BLCAP: variants seen among roughly 807,000 people sequenced by gnomAD.
BLCAP encodes the protein BLCAP apoptosis inducing factor, also known as apoptosis inducing factor BLCAP.
A neutral mutation model predicts 5.7 loss-of-function variants in BLCAP; 1 was observed. The ratio of observed to expected loss-of-function variants is 0.18; its 90% CI spans 0.06 to 0.83. The LOEUF (loss-of-function observed/expected upper bound fraction) is 0.83. Ranked by LOEUF, BLCAP falls within the 40% of genes least tolerant of loss-of-function variation. The pLI, the probability that BLCAP is intolerant of heterozygous loss-of-function variation, is 0.71. For synonymous variants in BLCAP, 48 were observed against 49.4 expected (o/e 0.97, Z 0.11); for missense variants, 66 against 107.6 (o/e 0.61, Z 1.71).
At chr20:37,522,769 T>C (rs1601095238) in intron 1 of BLCAP, 1 of 1,590,376 alleles carries the variant, frequency 6.3e-7, no homozygotes, top group Admixed American at 1.7e-5. Flanking sequence ...AGGCCCCAGC[T>C]CCCAGCCCTG....
At position 37,521,750 on chromosome 20, in the gene BLCAP, G is replaced by T. The variant is rs2071583401; in HGVS notation, c.-176-2400C>A. On this transcript the variant is annotated intron_variant, in intron 1 of 1. Transcript: ENST00000373537. The surrounding 1 kb of genome is among the most constrained non-coding windows in gnomAD (Gnocchi z 4.5). ...GAGGGAGGCGGGGCACTACTGTGTTGAAAGACTTTACAGCTCGCAGAGTGA... is the reference window on the plus strand; with the variant it reads ...GAGGGAGGCGGGGCACTACTGTGTTTAAAGACTTTACAGCTCGCAGAGTGA... The T allele has an allele frequency of 1.3e-5, 3 of 227,932 alleles. No individual in the cohort carries two copies. In the Admixed American group the frequency reaches 1.6e-4, roughly 12 times the overall value. The allele number at this position is 227,932 out of a possible 1,614,324, so 14.1% of individuals were successfully genotyped here.
In BLCAP at chr20:37,518,954, G is replaced by A. The variant is rs773830800; in HGVS notation, c.221C>T (p.Pro74Leu). ...GGGATCATGCGCCGATTCTGGAAGC[G>A]GGGAATCGGAGCAGTGGTACAGGAA... ...NCFLYHCSDSPLPESAHDPGV... is the reference protein window; with the variant it reads ...NCFLYHCSDSLLPESAHDPGV... Residue 74 changes from proline to leucine, a missense_variant, in exon 2 of 2, where the codon CCG becomes CTG. By Grantham distance (98) the Pro-to-Leu change is moderately conservative. Coordinates refer to ENST00000373537, the MANE Select transcript of BLCAP (RefSeq NM_006698.4). 5.8e-5 allele frequency: 93 copies of A among 1,614,074 alleles called. No individual in the cohort carries two copies. The highest frequency in any genetic ancestry group is 7.5e-5 in the Non-Finnish European group (89 of 1,180,034).
rs2071566408 is a variant in BLCAP at position 37,521,426 on chromosome 20, TG to T, written c.-176-2077del. Reference sequence around the variant, plus strand: ...CAGGTAAGTCTGACGGGGTTTCGGGTGGGAGAGGGTTCCCAACTCGCGCCCC... The same window carrying T: ...CAGGTAAGTCTGACGGGGTTTCGGGTGGAGAGGGTTCCCAACTCGCGCCCC... On this transcript the variant is annotated intron_variant, in intron 1 of 1. Coordinates refer to ENST00000373537, the MANE Select transcript of BLCAP (RefSeq NM_006698.4). The surrounding 1 kb of genome is among the most constrained non-coding windows in gnomAD (Gnocchi z 4.5). 3.1e-6 allele frequency: 5 copies of T among 1,612,446 alleles called. No homozygotes were observed. Among genetic ancestry groups the T allele is most frequent in the Non-Finnish European group, 4.2e-6 (5 of 1,178,524 alleles).
rs377366102 is a variant in BLCAP, at chr20:37,521,427, G to A, written c.-176-2077C>T. The A allele has an allele frequency of 4.9e-5, 79 of 1,612,380 alleles. 3 individuals carry two copies. Among genetic ancestry groups the A allele is most frequent in the Non-Finnish European group, 1.1e-5 (13 of 1,178,496 alleles). ...AGGTAAGTCTGACGGGGTTTCGGGT[G>A]GGAGAGGGTTCCCAACTCGCGCCCC... On this transcript the variant is annotated intron_variant, in intron 1 of 1. Transcript: ENST00000373537. The surrounding 1 kb of genome is among the most constrained non-coding windows in gnomAD (Gnocchi z 4.5).
Position 37,518,926 on chromosome 20 carries a change from G to A in BLCAP, c.249C>T (p.Gly83=), listed in dbSNP as rs772312586. 7 of 1,614,058 alleles carry A rather than the reference G, an allele frequency of 4.3e-6. No individual in the cohort carries two copies. Among genetic ancestry groups the A allele is most frequent in the East Asian group, 2.2e-5 (1 of 44,894 alleles). Residue 83 remains glycine, a synonymous_variant, in exon 2 of 2, where the codon GGC becomes GGT. Coordinates refer to ENST00000373537, the MANE Select transcript of BLCAP (RefSeq NM_006698.4). The part of the protein sequence containing the change: ...SPLPESAHDP[G]VVGT ...GGGCAGGCCGTTAGGTGCCCACAAC[G>A]CCGGGATCATGCGCCGATTCTGGAA...
At chr20:37,522,578 A>AGGGGGTGGGGC in intron 1 of BLCAP, 3 of 683,764 alleles carry the variant, frequency 4.4e-6, no homozygotes, top group Non-Finnish European at 5.8e-6. Context: ...CGGGCGGGGC[A>AGGGGGTGGGGC]GGGGGTGGGG....
At chr20:37,522,237 A>C (rs2071610742) in intron 1 of BLCAP, 1 of 546,222 alleles carries the variant, frequency 1.8e-6, no homozygotes, top group South Asian at 3.5e-5. Flanking sequence ...TTGGTGTAAA[A>C]AGAGATAAAT....
chr20:37,521,455 G>A lies in BLCAP; in HGVS notation c.-176-2105C>T. On this transcript the variant is annotated intron_variant, in intron 1 of 1. Coordinates refer to ENST00000373537, the MANE Select transcript of BLCAP (RefSeq NM_006698.4). The surrounding 1 kb of genome is among the most constrained non-coding windows in gnomAD (Gnocchi z 4.5). ...AGAGGGTTCCCAACTCGCGCCCCTA[G>A]AACCCGCAAGACTGCGTCGCGATTG... is the stretch of plus-strand genomic sequence containing the variant. The A allele has an allele frequency of 6.4e-7, 1 of 1,553,564 alleles. No individual in the cohort carries two copies. The highest frequency in any genetic ancestry group is 1.7e-5 in the Admixed American group (1 of 59,942).
chr20:37,527,093 G>A (rs1413301771), intron 1 of BLCAP: 1 of 152,206 alleles, frequency 6.6e-6, no homozygotes, highest in Non-Finnish European at 1.5e-5. Flanking sequence ...AGGAGATTTG[G>A]AAAGGGGAAG....
intron 1 of BLCAP, chr20:37,522,533 GC>G: frequency 8.6e-7 from 1 of 1,158,626 alleles, no homozygotes; most frequent in Admixed American, 2.5e-5. Flanking sequence ...GACAAGCTGC[GC>G]CCGCGCCCGC....
At position 37,519,202 on chromosome 20, in the gene BLCAP, A is replaced by G. The variant is rs1460811984; in HGVS notation, c.-28T>C. 6.4e-7 allele frequency: 1 copy of G among 1,552,410 alleles called. No individual in the cohort carries two copies. The highest frequency in any genetic ancestry group is 8.7e-7 in the Non-Finnish European group (1 of 1,147,142). ...TCTCTGCCGGGCAGGGCCTTCACCA[A>G]GGCTGCCGGGCACCGCTGCAGGAAC... On this transcript the variant is annotated 5_prime_UTR_variant, in exon 2 of 2. Transcript: ENST00000373537.
Position 37,518,614 on chromosome 20 carries a change from GACCC to G in BLCAP, c.*293_*296del. 5.2e-6 allele frequency: 2 copies of G among 387,548 alleles called. No individual in the cohort carries two copies. The highest frequency in any genetic ancestry group is 4.2e-5 in the Admixed American group (1 of 23,902). The allele number at this position is 387,548 out of a possible 1,614,324, so 24.0% of individuals were successfully genotyped here. A position where few individuals can be genotyped will look rare whatever the true frequency, so the allele number is the denominator to read the frequency against. Reference sequence around the variant, plus strand: ...CACATTGGGGCAGCTGACCAGGATGGACCCAGACTCCTCACAGTAATGAGGCGAG... The same window carrying G: ...CACATTGGGGCAGCTGACCAGGATGGAGACTCCTCACAGTAATGAGGCGAG... On this transcript the variant is annotated 3_prime_UTR_variant, in exon 2 of 2. Coordinates refer to ENST00000373537, the MANE Select transcript of BLCAP (RefSeq NM_006698.4).
In BLCAP at chr20:37,519,098, G is replaced by C; in HGVS notation, c.77C>G (p.Ser26Cys). ...GAGCAGGTAGAAGCCCATGAACATG[G>C]AGTGGCTGAACCACAGGGCGGGGTT... ...PLNPALWFSH[S>C]MFMGFYLLSF... The change falls in exon 2 of 2, where the codon TCC (serine) becomes TGC (cysteine). Residue 26 changes from serine to cysteine, a missense_variant. Ser to Cys is a moderately radical substitution (Grantham distance 112). Transcript: ENST00000373537. The C allele has an allele frequency of 6.2e-7, 1 of 1,613,780 alleles. No individual in the cohort carries two copies. The highest frequency in any genetic ancestry group is 8.5e-7 in the Non-Finnish European group (1 of 1,179,898).
chr20:37,523,101 G>GCCATGCCAGCAGGC (rs2071646719), intron 1 of BLCAP: 1 of 251,218 alleles, frequency 4.0e-6, no homozygotes, highest in Admixed American at 5.4e-5. Context: ...CGAAGCCAGG[G>GCCATGCCAGCAGGC]CCATGCCAGC....
At chr20:37,522,151 A>G (rs1457875379) in intron 1 of BLCAP, among the ~76,000 whole-genome samples, 1 of 149,760 alleles carries the variant, frequency 6.7e-6, no homozygotes, top group Non-Finnish European at 1.5e-5. Context: ...GGGGAAAAAA[A>G]GCACTTCCAA....
At chr20:37,523,139 G>A (rs564664228) in intron 1 of BLCAP, 8 of 193,616 alleles carry the variant, frequency 4.1e-5, no homozygotes, top group African/African-American at 1.9e-4. Flanking sequence ...TCAAAACACC[G>A]CACCAGCCAG....
rs1257522083 is a variant in BLCAP, at chr20:37,518,921, A to G, written c.254T>C (p.Val85Ala). The G allele has an allele frequency of 6.2e-7, 1 of 1,614,054 alleles. No homozygotes were observed. Residue 85 changes from valine to alanine, a missense_variant, in exon 2 of 2, where the codon GTG becomes GCG. By Grantham distance (64) the Val-to-Ala change is moderately conservative. Coordinates refer to ENST00000373537, the MANE Select transcript of BLCAP (RefSeq NM_006698.4). ...TAACAGGGCAGGCCGTTAGGTGCCC[A>G]CAACGCCGGGATCATGCGCCGATTC... is the stretch of plus-strand genomic sequence containing the variant. ...LPESAHDPGV[V>A]GT
chr20:37,526,271 T>TCCCCCCCCCC (rs11477433), intron 1 of BLCAP, among the ~76,000 whole-genome samples: 14 of 125,176 alleles, frequency 1.1e-4, no homozygotes, highest in Non-Finnish European at 1.3e-4. Context: ...GCAGTTAACT[T>TCCCCCCCCCC]CCCCCCCCCA....
At position 37,519,015 on chromosome 20, in the gene BLCAP, G is replaced by C. The variant is rs1199314388; in HGVS notation, c.160C>G (p.Leu54Val). 1 of 1,614,210 alleles carries C rather than the reference G, an allele frequency of 6.2e-7. No homozygotes were observed. The highest frequency in any genetic ancestry group is 1.1e-5 in the South Asian group (1 of 91,086). ...CAGCAGCTATAGCAGATAAGGAACA[G>C]GGCTGCCAGGAAAACCAAGGCACAA... Reference protein sequence around the residue: ...TICALVFLAALFLICYSCWGN... With the variant: ...TICALVFLAAVFLICYSCWGN... Residue 54 changes from leucine (L) to valine (V), a missense_variant, in exon 2 of 2, where the codon CTG becomes GTG. Physicochemically the swap from Leu to Val is conservative, Grantham distance 32. Transcript: ENST00000373537.
Sources: allele counts gnomAD v4.1 joint callset (sites outside exome capture counted in the v4.1 genomes callset), GRCh38; gene constraint gnomAD v4.1.1; non-coding constraint Gnocchi (gnomAD v3.1); transcripts MANE v1.5; gene names NCBI Gene and HGNC (gene_info 2026-07-23, HGNC 2026-07-21).